Variants in PIWIL1 observed in about 807,000 individuals in gnomAD.
PIWIL1 encodes piwi-like protein 1.
In PIWIL1, 73 loss-of-function variants were observed where a neutral mutation model predicts 114.4. The observed-to-expected ratio is 0.64, with a 90% CI of 0.53 to 0.78. PIWIL1 has a LOEUF of 0.78. Among genes scored for constraint, PIWIL1 ranks in the 30% least tolerant of loss-of-function variants. The pLI is 0.00. For synonymous variants in PIWIL1, 375 were observed against 369.0 expected, an observed-to-expected ratio of 1.02 and a Z score of -0.19; for missense variants, 723 against 1,063.1, an observed-to-expected ratio of 0.68 and a Z score of 4.45.
the PIWIL1 span, among the ~76,000 whole-genome samples, chr12:130,383,007 A>C: frequency 6.6e-6 from 1 of 152,222 alleles, no homozygotes. Context: ...TGTAAACAAA[A>C]TTCTCCTTTC....
the PIWIL1 span, among the ~76,000 whole-genome samples, chr12:130,378,272 T>A: frequency 4.1e-4 from 62 of 152,288 alleles, 1 homozygote; most frequent in South Asian, 9.5e-3. Flanking sequence ...TTGGTCTGCC[T>A]GGTGTTTTAA....
At chr12:130,360,991 T>C (rs2136176100) in intron 14 of PIWIL1, among the ~76,000 whole-genome samples, 189 bp from the exon 15 acceptor site, 1 of 152,342 alleles carries the variant, frequency 6.6e-6, no homozygotes, top group Non-Finnish European at 1.5e-5. Flanking sequence ...GCAATTATCA[T>C]TTAGTTGAAC....
At chr12:130,397,693 A>G in the PIWIL1 span, 4 of 394,070 alleles carry the variant, frequency 1.0e-5, no homozygotes, top group Admixed American at 1.3e-4. Context: ...ATGCCATGAG[A>G]AGCAAAGGTC....
At chr12:130,361,830 A>G (rs533692355) in intron 16 of PIWIL1, among the ~76,000 whole-genome samples, 3 of 152,134 alleles carry the variant, frequency 2.0e-5, no homozygotes, top group African/African-American at 4.8e-5. Context: ...TGGCGAGTAC[A>G]TCTTGTTAAA....
chr12:130,414,323 G>T, the PIWIL1 span: 1 of 1,565,296 alleles, frequency 6.4e-7, no homozygotes, highest in Non-Finnish European at 8.7e-7. Context: ...GCAAGTGGGG[G>T]TGAAGAACAG....
At chr12:130,349,462 A>C in intron 8 of PIWIL1, 26 bp downstream of exon 8, 1 of 1,494,592 alleles carries the variant, frequency 6.7e-7, no homozygotes, top group Non-Finnish European at 9.3e-7. Context: ...AAAGTGCACA[A>C]TAATTTTTTG....
At chr12:130,369,814 A>C (rs58285275) in intron 19 of PIWIL1, among the ~76,000 whole-genome samples, 2,681 of 152,020 alleles carry the variant, frequency 0.018, 75 homozygotes, top group African/African-American at 0.062. Flanking sequence ...GATTGCAAAA[A>C]TTTTCTCCCA....
chr12:130,342,496 A>C (rs2072949371), intron 1 of PIWIL1, 84 bp from the exon 2 acceptor site: 1 of 794,688 alleles, frequency 1.3e-6, no homozygotes, highest in Non-Finnish European at 2.2e-6. Flanking sequence ...TTTGAAACTC[A>C]AAGAAGTTTA....
rs1309478034 is a variant in PIWIL1, at chr12:130,363,044, G to C, written c.2095G>C (p.Val699Leu). 1 of 1,614,116 alleles carries C rather than the reference G, an allele frequency of 6.2e-7. No individual in the cohort carries two copies. The highest frequency in any genetic ancestry group is 1.3e-5 in the African/African-American group (1 of 74,944). The change falls in exon 18 of 21, where the codon GTG becomes CTG. Residue 699 changes from valine to leucine, a missense_variant. Val to Leu is a conservative substitution (Grantham distance 32). Transcript: ENST00000245255. ...TGAGTACATGCCCAGCCGGATCATCGTGTACCGCGATGGCGTAGGAGACGG... is the reference window on the plus strand; with the variant it reads ...TGAGTACATGCCCAGCCGGATCATCCTGTACCGCGATGGCGTAGGAGACGG... ...CNEYMPSRII[V>L]YRDGVGDGQL...
chr12:130,352,669 C>T (rs1380273787), intron 9 of PIWIL1, among the ~76,000 whole-genome samples: 3 of 152,126 alleles, frequency 2.0e-5, no homozygotes, highest in Non-Finnish European at 2.9e-5. Flanking sequence ...GAAACTCTGT[C>T]TCAAATAAAT....
intron 5 of PIWIL1, 134 bp from the exon 6 acceptor site, chr12:130,346,807 A>G: frequency 3.5e-6 from 4 of 1,156,550 alleles, no homozygotes; most frequent in Middle Eastern, 4.0e-4. Flanking sequence ...TCTTTTTCTC[A>G]GAGCCATTTA....
chr12:130,360,027 G>T (rs1289541530), intron 14 of PIWIL1, among the ~76,000 whole-genome samples: 3 of 152,188 alleles, frequency 2.0e-5, no homozygotes, highest in Admixed American at 2.0e-4. Context: ...GCACATTGTG[G>T]GGTATCGAGT....
intron 18 of PIWIL1, 54 bp downstream of exon 18, chr12:130,363,198 C>A (rs994707958): frequency 3.3e-6 from 5 of 1,528,924 alleles, no homozygotes; most frequent in Non-Finnish European, 4.5e-6. Flanking sequence ...ACCTTTGTAT[C>A]TTTGAAATTA....
the PIWIL1 span, chr12:130,406,358 C>T: frequency 6.1e-6 from 4 of 660,142 alleles, no homozygotes; most frequent in African/African-American, 7.4e-5. Context: ...TATTAATCTA[C>T]TCTTTCAGTC....
chr12:130,389,862 C>T, the PIWIL1 span, among the ~76,000 whole-genome samples: 1 of 152,196 alleles, frequency 6.6e-6, no homozygotes, highest in Non-Finnish European at 1.5e-5. Context: ...ATTGCTTTCC[C>T]TGCATCCTGC....
chr12:130,352,975 T>C (rs2073253951), intron 9 of PIWIL1, among the ~76,000 whole-genome samples: 1 of 152,224 alleles, frequency 6.6e-6, no homozygotes, highest in Non-Finnish European at 1.5e-5. Context: ...AATTTTCTTA[T>C]TTGAAACAAG....
intron 18 of PIWIL1, among the ~76,000 whole-genome samples, chr12:130,363,955 A>C (rs1478845634): frequency 6.6e-6 from 1 of 152,122 alleles, no homozygotes; most frequent in Non-Finnish European, 1.5e-5. Context: ...ACAGCCGAGG[A>C]TGGTATCCAG....
chr12:130,382,906 G>A, the PIWIL1 span, among the ~76,000 whole-genome samples: 3 of 152,190 alleles, frequency 2.0e-5, no homozygotes, highest in African/African-American at 7.2e-5. Flanking sequence ...CAGTGTTTTG[G>A]AAAGCTGAAA....
chr12:130,406,119 A>AT, the PIWIL1 span: 19 of 1,189,390 alleles, frequency 1.6e-5, no homozygotes, highest in South Asian at 1.2e-4. Context: ...AACACACAAA[A>AT]TAAATGAAAA....
Sources: allele counts gnomAD v4.1 joint callset (sites outside exome capture counted in the v4.1 genomes callset), GRCh38; gene constraint gnomAD v4.1.1; transcripts MANE v1.5; gene names NCBI Gene and HGNC (gene_info 2026-07-23, HGNC 2026-07-21).